KCNN2: variants seen among roughly 807,000 people sequenced by gnomAD.
KCNN2 encodes the protein potassium calcium-activated channel subfamily N member 2.
KCNN2 carries 24 observed loss-of-function variants against 55.5 expected under a neutral mutation model. The ratio of observed to expected loss-of-function variants is 0.43; its 90% CI spans 0.31 to 0.61. KCNN2 has a LOEUF of 0.61. Among genes scored for constraint, KCNN2 ranks in the 20% least tolerant of loss-of-function variants. KCNN2 has a pLI of 0.08. For synonymous variants in KCNN2, 431 were observed against 336.1 expected (o/e 1.28, Z -3.09); for missense variants, 754 against 853.6 (o/e 0.88, Z 1.45).
At chr5:114,075,656 T>C (rs1160284368) in intron 1 of KCNN2, among the ~76,000 whole-genome samples, 18 of 152,210 alleles carry the variant, frequency 1.2e-4, no homozygotes, top group Admixed American at 1.2e-3. Context: ...TTATAAATCC[T>C]ATTATCAAGA....
chr5:114,192,438 C>T (rs1753469972), intron 1 of KCNN2, among the ~76,000 whole-genome samples: 1 of 152,070 alleles, frequency 6.6e-6, no homozygotes, highest in South Asian at 2.1e-4. Context: ...TTAGCTTTTC[C>T]TTTCTTTTTT....
chr5:114,451,693 A>G (rs564463931), intron 3 of KCNN2, among the ~76,000 whole-genome samples: 79 of 152,168 alleles, frequency 5.2e-4, no homozygotes, highest in East Asian at 3.9e-3. Flanking sequence ...TCAGGAGATC[A>G]AGACCATCCT....
intron 4 of KCNN2, among the ~76,000 whole-genome samples, chr5:114,471,865 A>G (rs1035906866): frequency 1.3e-5 from 2 of 152,104 alleles, no homozygotes; most frequent in Non-Finnish European, 2.9e-5. Context: ...TTTTCTCCTC[A>G]ATCGTGTCCC....
intron 1 of KCNN2, among the ~76,000 whole-genome samples, chr5:114,204,727 C>T (rs1369682514): frequency 6.6e-6 from 1 of 152,164 alleles, no homozygotes; most frequent in Non-Finnish European, 1.5e-5. Flanking sequence ...TATGGTGGAG[C>T]CTCTAAAAGC....
chr5:114,283,163 C>A (rs917469852), intron 2 of KCNN2, among the ~76,000 whole-genome samples: 4 of 152,040 alleles, frequency 2.6e-5, no homozygotes, highest in African/African-American at 9.7e-5. Context: ...CCTTTCCTTT[C>A]CTTCTGAAAC....
At chr5:114,261,729 C>A (rs955046269) in intron 2 of KCNN2, among the ~76,000 whole-genome samples, 5 of 152,174 alleles carry the variant, frequency 3.3e-5, no homozygotes, top group African/African-American at 1.2e-4. Flanking sequence ...ATGAAAGAAT[C>A]TGCTCATTGT....
chr5:114,166,397 C>T (rs1476341148), intron 1 of KCNN2, among the ~76,000 whole-genome samples: 6 of 152,112 alleles, frequency 3.9e-5, no homozygotes, highest in African/African-American at 7.2e-5. Flanking sequence ...GCTGCCTTCG[C>T]GGTATGTCTC....
chr5:114,351,426 AC>A (rs537443095), intron 2 of KCNN2, among the ~76,000 whole-genome samples: 73 of 151,882 alleles, frequency 4.8e-4, no homozygotes, highest in South Asian at 1.7e-3. Context: ...CTATCTGAAT[AC>A]CTTTTGTTTC....
intron 1 of KCNN2, among the ~76,000 whole-genome samples, chr5:114,069,380 C>T (rs186041267): frequency 3.3e-5 from 5 of 152,206 alleles, no homozygotes; most frequent in African/African-American, 1.2e-4. Flanking sequence ...TAATGGAGAA[C>T]TAATGATTTT....
intron 2 of KCNN2, among the ~76,000 whole-genome samples, chr5:114,323,708 T>C (rs889266272): frequency 7.0e-6 from 1 of 142,560 alleles, no homozygotes; most frequent in African/African-American, 2.6e-5. Context: ...CAGCCTGGAA[T>C]GCACGGCCTG....
intron 3 of KCNN2, among the ~76,000 whole-genome samples, chr5:114,458,361 C>T (rs922216965): frequency 1.3e-5 from 2 of 152,128 alleles, no homozygotes; most frequent in African/African-American, 4.8e-5. Flanking sequence ...TATAAAAATA[C>T]CTTCTAAGTT....
At chr5:114,246,695 C>T (rs906744938) in intron 2 of KCNN2, among the ~76,000 whole-genome samples, 2 of 151,990 alleles carry the variant, frequency 1.3e-5, no homozygotes, top group Non-Finnish European at 2.9e-5. Flanking sequence ...TGGTTTTTAA[C>T]TTTCAAATGA....
At position 114,111,457 on chromosome 5, in the gene KCNN2, C is replaced by T. The variant is rs184748406; in HGVS notation, c.-271+54957C>T. Among the ~76,000 whole-genome samples the T allele has an allele frequency of 4.6e-3, 700 of 152,212 alleles. 1 individual carries two copies. The highest frequency in any genetic ancestry group is 7.2e-3 in the Non-Finnish European group (491 of 68,004). ...ATGACTAAAACACGAAAAGCAAGGG[C>T]AACAAAAGCCCAAATTGACAAATGG... On this transcript the variant is annotated intron_variant, in intron 1 of 10. Coordinates refer to the KCNN2 transcript ENST00000512097.
intron 3 of KCNN2, among the ~76,000 whole-genome samples, chr5:114,411,429 T>C (rs556470701): frequency 6.2e-4 from 95 of 152,124 alleles, no homozygotes; most frequent in Non-Finnish European, 1.1e-3. Flanking sequence ...GGAGAGGCCA[T>C]CTGCAAGCTG....
intron 2 of KCNN2, among the ~76,000 whole-genome samples, chr5:114,319,617 A>G (rs1756574879): frequency 2.0e-5 from 3 of 152,160 alleles, no homozygotes; most frequent in Admixed American, 2.0e-4. Flanking sequence ...CATGGTTATT[A>G]TAAATAAATC....
intron 5 of KCNN2, among the ~76,000 whole-genome samples, chr5:114,477,361 T>G (rs1260698935): frequency 6.6e-6 from 1 of 152,188 alleles, no homozygotes; most frequent in African/African-American, 2.4e-5. Context: ...GGGGAACAAT[T>G]TTATATAAAA....
intron 1 of KCNN2, among the ~76,000 whole-genome samples, chr5:114,109,708 A>G (rs1460728229): frequency 2.0e-5 from 3 of 152,102 alleles, no homozygotes; most frequent in Admixed American, 2.0e-4. Context: ...AAGAGGTTCC[A>G]AACTGTGGCT....
At chr5:114,480,093 A>C (rs995557081) in intron 5 of KCNN2, among the ~76,000 whole-genome samples, 1 of 152,242 alleles carries the variant, frequency 6.6e-6, no homozygotes, top group African/African-American at 2.4e-5. Flanking sequence ...GGTTCTTTGA[A>C]AAAATTAAAA....
At chr5:114,122,077 A>C (rs1751840078) in intron 1 of KCNN2, among the ~76,000 whole-genome samples, 1 of 152,252 alleles carries the variant, frequency 6.6e-6, no homozygotes, top group African/African-American at 2.4e-5. Flanking sequence ...TCAGTAAAGC[A>C]CAATAACAAC....
Sources: gnomAD v4.1 joint callset for allele counts (sites outside exome capture counted in the v4.1 genomes callset) on GRCh38, gnomAD v4.1.1 for gene constraint, MANE v1.5 for transcripts, NCBI Gene and HGNC (gene_info 2026-07-23, HGNC 2026-07-21) for gene names.